BRSK2: variants seen among roughly 807,000 people sequenced by gnomAD.
BRSK2 encodes the protein serine/threonine-protein kinase BRSK2.
A neutral mutation model predicts 83.3 loss-of-function variants in BRSK2; 19 were observed. That is an observed-to-expected ratio of 0.23 (90% confidence interval 0.16 to 0.33). BRSK2 has a LOEUF of 0.33. BRSK2 is among the 10% of genes least tolerant of loss of function. The pLI is 1.00. For missense variants in BRSK2, 798 were observed against 1,042.3 expected (o/e 0.77, Z 3.23); for synonymous variants, 519 against 435.4 (o/e 1.19, Z -2.39).
At chr11:1,422,425 C>T (rs903561442) in intron 1 of BRSK2, among the ~76,000 whole-genome samples, 2 of 152,210 alleles carry the variant, frequency 1.3e-5, no homozygotes, top group Non-Finnish European at 1.5e-5. Context: ...AGGGGAGCAG[C>T]TTATGGGGCC....
At chr11:1,457,335 T>C (rs7947308) in intron 18 of BRSK2, among the ~76,000 whole-genome samples, 122,307 of 152,214 alleles carry the variant, frequency 0.8, 49,736 homozygotes, top group African/African-American at 0.85. Flanking sequence ...CAGCCCAGGG[T>C]CATGCCTCCA....
At chr11:1,427,342 A>G (rs1849353128) in intron 1 of BRSK2, among the ~76,000 whole-genome samples, 1 of 152,058 alleles carries the variant, frequency 6.6e-6, no homozygotes, top group African/African-American at 2.4e-5. Context: ...CCAGCCTGGG[A>G]CTTGAGTCAG....
Position 1,460,746 on chromosome 11 carries a change from C to A in BRSK2, c.*23C>A. On this transcript the variant is annotated 3_prime_UTR_variant, in exon 20 of 20. Coordinates refer to ENST00000528841, the MANE Select transcript of BRSK2 (RefSeq NM_001256627.2). Reference sequence around the variant, plus strand: ...TAGACACACTAGCCCCCCCCCCCAGCACAGCACTGACAGCGGCTGCCTCGC... The same window carrying A: ...TAGACACACTAGCCCCCCCCCCCAGAACAGCACTGACAGCGGCTGCCTCGC... The A allele has an allele frequency of 7.3e-7, 1 of 1,368,112 alleles. No individual in the cohort carries two copies. Among genetic ancestry groups the A allele is most frequent in the Non-Finnish European group, 9.5e-7 (1 of 1,048,394 alleles). 84.7% of individuals were successfully genotyped at this position (1,368,112 alleles called of 1,614,324 possible). A position where few individuals can be genotyped will look rare whatever the true frequency, so the allele number is the denominator to read the frequency against.
chr11:1,401,673 G>GCGT (rs1326026273), intron 1 of BRSK2, among the ~76,000 whole-genome samples: 3 of 152,268 alleles, frequency 2.0e-5, no homozygotes, highest in Admixed American at 2.0e-4. Context: ...CTGCTCTGCT[G>GCGT]CGTCGTGCCA....
At chr11:1,449,223 C>T (rs1223891167) in intron 12 of BRSK2, among the ~76,000 whole-genome samples, 1 of 152,300 alleles carries the variant, frequency 6.6e-6, no homozygotes, top group Non-Finnish European at 1.5e-5. Flanking sequence ...GGGACAAGGC[C>T]CCACCGTCCC....
intron 18 of BRSK2, among the ~76,000 whole-genome samples, chr11:1,458,094 G>A (rs1846871160): frequency 6.6e-6 from 1 of 152,138 alleles, no homozygotes; most frequent in African/African-American, 2.4e-5. Flanking sequence ...CGACAGGGCA[G>A]CCACCTAGGC....
At chr11:1,421,970 G>T (rs1490720547) in intron 1 of BRSK2, among the ~76,000 whole-genome samples, 1 of 151,944 alleles carries the variant, frequency 6.6e-6, no homozygotes, top group Non-Finnish European at 1.5e-5. Flanking sequence ...AGGTGGGGGT[G>T]GGGTCGGGGC....
chr11:1,434,911 G>A (rs1419898241), intron 1 of BRSK2, among the ~76,000 whole-genome samples: 1 of 152,118 alleles, frequency 6.6e-6, no homozygotes, highest in African/African-American at 2.4e-5. Context: ...GCTCAGGCCA[G>A]GTGGGGCTCA....
chr11:1,411,036 A>T (rs1232231046), intron 1 of BRSK2: 7 of 1,050,896 alleles, frequency 6.7e-6, no homozygotes, highest in Non-Finnish European at 6.9e-6. Context: ...TTCTGCTCCC[A>T]TCACCATGGC....
At chr11:1,395,496 G>C (rs1362146075) in intron 1 of BRSK2, among the ~76,000 whole-genome samples, 1 of 152,190 alleles carries the variant, frequency 6.6e-6, no homozygotes, top group Non-Finnish European at 1.5e-5. Context: ...GAGTGTCCCT[G>C]TCAGGGCCCT....
intron 15 of BRSK2, 33 bp downstream of exon 15, chr11:1,451,452 C>T (rs770079242): frequency 6.2e-7 from 1 of 1,608,686 alleles, no homozygotes; most frequent in Non-Finnish European, 8.5e-7. Flanking sequence ...CTCCTGGTAC[C>T]TGACACCAGG....
rs1850604630 is a variant in BRSK2, at chr11:1,438,215, C to G, written c.187-91C>G. ...CAGCTGGCACCAAAGGCCCCTGCGA[C>G]CCCCACAGCTGGCACCAAAGGCAGT... On this transcript the variant is annotated intron_variant, in intron 2 of 19. Coordinates refer to ENST00000528841, the MANE Select transcript of BRSK2 (RefSeq NM_001256627.2). This position sits in a 1 kb window ranked among gnomAD's most constrained non-coding sequence, Gnocchi z 6.4. 7.9e-7 allele frequency: 1 copy of G among 1,265,460 alleles called. No individual in the cohort carries two copies. 78.4% of individuals were successfully genotyped at this position (1,265,460 alleles called of 1,614,324 possible).
chr11:1,445,173 C>T (rs954918014), intron 9 of BRSK2, 121 bp from the exon 10 acceptor site: 58 of 1,472,150 alleles, frequency 3.9e-5, no homozygotes, highest in East Asian at 1.1e-4. Context: ...GAGGCCTCCC[C>T]GGGCTGGGCA....
Position 1,426,314 on chromosome 11 carries a change from G to C in BRSK2, c.92-9726G>C, listed in dbSNP as rs565299409. The stretch of plus-strand genomic sequence containing the variant: ...TGGGGATGTGTGTGGGGCGTGCTCT[G>C]GGGATGTGTGTGGGGCGTGCTCTGC... On this transcript the variant is annotated intron_variant, in intron 1 of 19. Coordinates refer to ENST00000528841, the MANE Select transcript of BRSK2 (RefSeq NM_001256627.2). 7.9e-5 allele frequency among the ~76,000 whole-genome samples: 12 copies of C among 152,212 alleles called. No individual in the cohort carries two copies. The South Asian group carries it at 2.5e-3, about 32-fold the overall frequency.
chr11:1,445,089 C>A, intron 9 of BRSK2, 87 bp downstream of exon 9: 2 of 1,550,792 alleles, frequency 1.3e-6, no homozygotes, highest in Non-Finnish European at 1.8e-6. Flanking sequence ...GGGAGGGCGC[C>A]GGCCCAGCGC....
rs770964235 is a variant in BRSK2, at chr11:1,461,364, G to A, written c.*641G>A. 3.1e-6 allele frequency: 1 copy of A among 327,122 alleles called. No homozygotes were observed. The allele number at this position is 327,122 out of a possible 1,614,324, so 20.3% of individuals were successfully genotyped here. On this transcript the variant is annotated 3_prime_UTR_variant, in exon 20 of 20. Coordinates refer to ENST00000528841, the MANE Select transcript of BRSK2 (RefSeq NM_001256627.2). ...CCGCCTCCCTGGCTGCGCCGCCTCC[G>A]TGTAGTCTTGGCCTCCTCAGGCTGC... is the stretch of plus-strand genomic sequence containing the variant.
At chr11:1,458,227 A>G (rs1021305619) in intron 18 of BRSK2, among the ~76,000 whole-genome samples, 8 of 151,964 alleles carry the variant, frequency 5.3e-5, no homozygotes, top group Non-Finnish European at 7.4e-5. Flanking sequence ...CGTGGGCTGT[A>G]GGCAAAGCTC....
chr11:1,450,518 C>T lies in BRSK2; in HGVS notation c.1288-69C>T. The T allele has an allele frequency of 4.0e-6, 3 of 757,588 alleles. No homozygotes were observed. The South Asian group carries it at 5.2e-5, about 13-fold the overall frequency. The allele number at this position is 757,588 out of a possible 1,614,324, so 46.9% of individuals were successfully genotyped here. A position where few individuals can be genotyped will look rare whatever the true frequency, so the allele number is the denominator to read the frequency against. Reference sequence around the variant, plus strand: ...GGCACCACCCCTGGGCCCGCCTGCCCTGCGGGTGCCCCCCCGGCCCCCACC... The same window carrying T: ...GGCACCACCCCTGGGCCCGCCTGCCTTGCGGGTGCCCCCCCGGCCCCCACC... On this transcript the variant is annotated intron_variant, in intron 13 of 19. Transcript: ENST00000528841.
rs373367008 is a variant in BRSK2, at chr11:1,443,460, C to A, written c.634-29C>A. 51 of 1,574,710 alleles carry A rather than the reference C, an allele frequency of 3.2e-5. No homozygotes were observed. The African/African-American group carries it at 6.5e-4, about 20-fold the overall frequency. ...GCCTCTCCCCAAACCTGCCCCCCCA[C>A]GCTGACCCCCACACCCGGCCGCCCG... is the stretch of plus-strand genomic sequence containing the variant. On this transcript the variant is annotated intron_variant, in intron 7 of 19. Transcript: ENST00000528841.
Sources: allele counts gnomAD v4.1 joint callset (sites outside exome capture counted in the v4.1 genomes callset), GRCh38; gene constraint gnomAD v4.1.1; non-coding constraint Gnocchi (gnomAD v3.1); transcripts MANE v1.5; gene names NCBI Gene and HGNC (gene_info 2026-07-23, HGNC 2026-07-21).